The following BTBD2 variants were observed in gnomAD, a reference collection of about 807,000 sequenced individuals.
BTBD2 encodes BTB/POZ domain-containing protein 2.
In BTBD2, 15 loss-of-function variants were observed where a neutral mutation model predicts 44.0. That is an observed-to-expected ratio of 0.34 (90% CI 0.23 to 0.53). BTBD2 has a LOEUF of 0.53. Ranked by LOEUF, BTBD2 falls within the 20% of genes least tolerant of loss-of-function variation. The pLI is 0.95. For missense variants in BTBD2, 657 were observed against 746.4 expected (o/e 0.88, Z 1.39); for synonymous variants, 443 against 335.9 (o/e 1.32, Z -3.49).
At chr19:2,000,573 G>T (rs1045863588) in intron 1 of BTBD2, among the ~76,000 whole-genome samples, 4 of 152,120 alleles carry the variant, frequency 2.6e-5, no homozygotes, top group Non-Finnish European at 5.9e-5. Context: ...GCCCCTCCCT[G>T]GAGACACCTG....
intron 1 of BTBD2, chr19:2,013,628 C>T: frequency 1.0e-6 from 1 of 986,600 alleles, no homozygotes; most frequent in African/African-American, 1.8e-5. Context: ...TGGCAGGGCC[C>T]AGGGGTCTCT....
chr19:2,007,250 G>C (rs1030052775), intron 1 of BTBD2, among the ~76,000 whole-genome samples: 6 of 152,102 alleles, frequency 3.9e-5, no homozygotes, highest in Admixed American at 2.6e-4. Context: ...CTCGGCCTCC[G>C]AAAGTGCCAG....
chr19:2,013,686 T>C, intron 1 of BTBD2: 1 of 983,496 alleles, frequency 1.0e-6, no homozygotes, highest in Non-Finnish European at 1.2e-6. Context: ...TGGTAGTCTA[T>C]GATCTGGACT....
At chr19:1,996,249 AC>A (rs1350140169) in intron 2 of BTBD2, among the ~76,000 whole-genome samples, 1 of 152,046 alleles carries the variant, frequency 6.6e-6, no homozygotes, top group African/African-American at 2.4e-5. Flanking sequence ...GAGCCCTCCA[AC>A]TTTGTTCTTT....
At chr19:2,008,457 C>G (rs71337076) in intron 1 of BTBD2, among the ~76,000 whole-genome samples, 26 of 151,326 alleles carry the variant, frequency 1.7e-4, no homozygotes, top group African/African-American at 6.3e-4. Flanking sequence ...TGCCTGGGTA[C>G]TTTTTGTATT....
At chr19:1,988,182 T>G in intron 5 of BTBD2, 1 of 156,584 alleles carries the variant, frequency 6.4e-6, no homozygotes, top group Non-Finnish European at 1.4e-5. Flanking sequence ...CTCAAGCGCT[T>G]ACACCCCCAG....
At chr19:2,010,442 C>G (rs1478648591) in intron 1 of BTBD2, among the ~76,000 whole-genome samples, 2 of 152,138 alleles carry the variant, frequency 1.3e-5, no homozygotes, top group Middle Eastern at 3.2e-3. Context: ...CGCGACGGTC[C>G]AGACACTGGG....
intron 2 of BTBD2, among the ~76,000 whole-genome samples, chr19:1,993,972 G>A (rs2016216849): frequency 8.0e-6 from 1 of 125,198 alleles, no homozygotes; most frequent in Non-Finnish European, 1.6e-5. Context: ...ACTCCAGCCT[G>A]GAGACAGAGC....
intron 2 of BTBD2, among the ~76,000 whole-genome samples, chr19:1,993,509 T>G (rs996123652): frequency 3.9e-5 from 6 of 152,112 alleles, no homozygotes; most frequent in Non-Finnish European, 5.9e-5. Flanking sequence ...GGGTGTCTCC[T>G]TCTTGGGCAC....
chr19:1,990,333 C>T (rs977941501), intron 4 of BTBD2, 132 bp from the exon 5 acceptor site: 1 of 926,970 alleles, frequency 1.1e-6, no homozygotes, highest in South Asian at 1.6e-5. Context: ...AAATCTGGCC[C>T]TGTGAGTGTG....
rs145076603 is a variant in BTBD2, at chr19:2,002,322, C to G, written c.408-4859G>C. On this transcript the variant is annotated intron_variant, in intron 1 of 8. Transcript: ENST00000255608. Reference sequence around the variant, plus strand: ...TCTCAAACCCCTGGGCTCAAGCGATCCTCCCAGTTCAGCTGCCCAAAGCGC... The same window carrying G: ...TCTCAAACCCCTGGGCTCAAGCGATGCTCCCAGTTCAGCTGCCCAAAGCGC... Among the ~76,000 whole-genome samples, 623 of 152,348 alleles carry G rather than the reference C, an allele frequency of 4.1e-3. 2 individuals are homozygous for G. Among genetic ancestry groups the G allele is most frequent in the Non-Finnish European group, 6.7e-3 (456 of 68,034 alleles).
intron 3 of BTBD2, among the ~76,000 whole-genome samples, chr19:1,991,503 G>A (rs2016177975): frequency 6.6e-6 from 1 of 152,190 alleles, no homozygotes; most frequent in African/African-American, 2.4e-5. Context: ...AGCCCGGGGA[G>A]TGAGCTCCAG....
chr19:1,991,454 G>A (rs1260895613), intron 3 of BTBD2, among the ~76,000 whole-genome samples: 4 of 152,194 alleles, frequency 2.6e-5, no homozygotes, highest in African/African-American at 9.6e-5. Flanking sequence ...GGTTCGTAGT[G>A]GTTTTAGGGG....
intron 3 of BTBD2, 150 bp from the exon 4 acceptor site, chr19:1,990,972 C>T (rs1016936569): frequency 1.9e-5 from 13 of 686,640 alleles, no homozygotes; most frequent in Non-Finnish European, 3.0e-5. Flanking sequence ...GCCACCAGGC[C>T]GGCCCTGTTG....
chr19:1,986,782 G>A (rs774310032), intron 8 of BTBD2, 48 bp downstream of exon 8: 16 of 1,574,428 alleles, frequency 1.0e-5, no homozygotes, highest in Non-Finnish European at 1.4e-5. Context: ...GTGGCTTCAG[G>A]ATGGGCCAGA....
chr19:2,010,133 C>A (rs1248134656), intron 1 of BTBD2, among the ~76,000 whole-genome samples: 3 of 152,152 alleles, frequency 2.0e-5, no homozygotes, highest in Non-Finnish European at 2.9e-5. Flanking sequence ...GCCTGGGCAA[C>A]AGAGCGAGAC....
In BTBD2 at chr19:1,997,344, T is replaced by C. The variant is rs1313744047; in HGVS notation, c.527A>G (p.Lys176Arg). 1 of 1,614,132 alleles carries C rather than the reference T, an allele frequency of 6.2e-7. No individual in the cohort carries two copies. The highest frequency in any genetic ancestry group is 1.1e-5 in the South Asian group (1 of 91,078). ...AGCAGGAAGCATCCGGAAGCATTACTTGAGCAGTGCGAGGAAGGCAGCGGG... is the reference window on the plus strand; with the variant it reads ...AGCAGGAAGCATCCGGAAGCATTACCTGAGCAGTGCGAGGAAGGCAGCGGG... ...VEPAAFLALL[K>R]FLYSDEVQIG... is the part of the protein sequence containing the mutation. The change falls in exon 2 of 9, where the codon AAG (lysine) becomes AGG (arginine). Residue 176 changes from lysine (K) to arginine (R), a missense_variant and splice_region_variant. Transcript: ENST00000255608.
At chr19:2,004,976 C>T (rs1328307887) in intron 1 of BTBD2, among the ~76,000 whole-genome samples, 4 of 151,906 alleles carry the variant, frequency 2.6e-5, no homozygotes, top group African/African-American at 4.8e-5. Context: ...CCCACCACCA[C>T]GCCCGGCTAA....
rs2016526950 is a variant in BTBD2, at chr19:2,015,653, C to G, written c.51G>C (p.Gly17=). The G allele has an allele frequency of 1.0e-6, 1 of 1,000,986 alleles. No homozygotes were observed. Among genetic ancestry groups the G allele is most frequent in the Non-Finnish European group, 1.2e-6 (1 of 842,894 alleles). 62.0% of individuals were successfully genotyped at this position (1,000,986 alleles called of 1,614,324 possible). A position where few individuals can be genotyped will look rare whatever the true frequency, so the allele number is the denominator to read the frequency against. The change falls in exon 1 of 9, where the codon GGG becomes GGC. Residue 17 remains glycine (G), a synonymous_variant. Transcript: ENST00000255608. The part of the protein sequence containing the change: ...GGRASCPPGV[G]VGPGTGGSPG... Reference sequence around the variant, plus strand: ...GACTGCCCCCCGTGCCCGGGCCGACCCCGACCCCCGGCGGGCACGACGCAC... The same window carrying G: ...GACTGCCCCCCGTGCCCGGGCCGACGCCGACCCCCGGCGGGCACGACGCAC...
Sources: gnomAD v4.1 joint callset for allele counts (sites outside exome capture counted in the v4.1 genomes callset) on GRCh38, gnomAD v4.1.1 for gene constraint, MANE v1.5 for transcripts, NCBI Gene and HGNC (gene_info 2026-07-23, HGNC 2026-07-21) for gene names.